Variants in KPNA4 observed in about 807,000 individuals in gnomAD.
KPNA4 encodes the protein karyopherin subunit alpha 4.
In KPNA4, 13 loss-of-function variants were observed where a neutral mutation model predicts 71.3. The ratio of observed to expected loss-of-function variants is 0.18; its 90% CI spans 0.12 to 0.29. KPNA4 has a LOEUF of 0.29. Ranked by LOEUF, KPNA4 falls within the 10% of genes least tolerant of loss-of-function variation. The pLI is 1.00. For missense variants in KPNA4, 334 were observed against 603.2 expected (o/e 0.55, Z 4.67); for synonymous variants, 189 against 195.2 (o/e 0.97, Z 0.26).
Position 160,498,886 on chromosome 3 carries a change from T to G in KPNA4, c.*3218A>C, listed in dbSNP as rs907800211. On this transcript the variant is annotated 3_prime_UTR_variant, in exon 17 of 17. Coordinates refer to ENST00000334256, the MANE Select transcript of KPNA4 (RefSeq NM_002268.5). ...AAATTTATGGTAATTATACCAAAAT[T>G]ACACAGCAGTTATTCTCTAAATTCA... is the stretch of plus-strand genomic sequence containing the variant. 6.6e-6 allele frequency: 1 copy of G among 152,198 alleles called. No individual in the cohort carries two copies. The highest frequency in any genetic ancestry group is 6.5e-5 in the Admixed American group (1 of 15,278). The allele number at this position is 152,198 out of a possible 1,614,324, so 9.4% of individuals were successfully genotyped here. A position where few individuals can be genotyped will look rare whatever the true frequency, so the allele number is the denominator to read the frequency against.
intron 1 of KPNA4, chr3:160,564,761 C>T (rs973133390): frequency 6.6e-6 from 1 of 151,996 alleles, no homozygotes; most frequent in South Asian, 2.1e-4. Context: ...CACTCGGTCG[C>T]CACACGCTCA....
chr3:160,514,247 A>C (rs1448837490), intron 12 of KPNA4, 66 bp from the exon 13 acceptor site: 1 of 1,127,424 alleles, frequency 8.9e-7, no homozygotes, highest in Non-Finnish European at 1.3e-6. Context: ...ACTAAGTAAA[A>C]AAGCATTCAC....
chr3:160,547,809 T>C (rs1015566084), intron 1 of KPNA4, among the ~76,000 whole-genome samples: 2 of 152,220 alleles, frequency 1.3e-5, no homozygotes, highest in African/African-American at 2.4e-5. Flanking sequence ...GTTGGAAGTA[T>C]AGAGTATACA....
intron 1 of KPNA4, among the ~76,000 whole-genome samples, chr3:160,560,551 C>T (rs1722223913): frequency 6.6e-6 from 1 of 151,386 alleles, no homozygotes; most frequent in Non-Finnish European, 1.5e-5. Flanking sequence ...GGACCCACAA[C>T]CACTATCAGG....
chr3:160,556,020 G>A (rs149813509), intron 1 of KPNA4, among the ~76,000 whole-genome samples: 11,891 of 152,030 alleles, frequency 0.078, 665 homozygotes, highest in Non-Finnish European at 0.13. Flanking sequence ...TAGTAGAGAC[G>A]GGGTTTCTCC....
chr3:160,501,292 A>C lies in KPNA4; in HGVS notation c.*812T>G, dbSNP rs1439704968. ...GTAAATAAAAACTAAAAAAAAAGAA[A>C]AGAAAAGCAAAAAAGAAAAAAAAAA... On this transcript the variant is annotated 3_prime_UTR_variant, in exon 17 of 17. Coordinates refer to ENST00000334256, the MANE Select transcript of KPNA4 (RefSeq NM_002268.5). 6.6e-6 allele frequency: 1 copy of C among 152,118 alleles called. No homozygotes were observed. The highest frequency in any genetic ancestry group is 1.5e-5 in the Non-Finnish European group (1 of 67,958). 9.4% of individuals were successfully genotyped at this position (152,118 alleles called of 1,614,324 possible). A position where few individuals can be genotyped will look rare whatever the true frequency, so the allele number is the denominator to read the frequency against.
intron 13 of KPNA4, among the ~76,000 whole-genome samples, chr3:160,510,886 C>G (rs2108544490): frequency 6.6e-6 from 1 of 151,522 alleles, no homozygotes; most frequent in East Asian, 1.9e-4. Context: ...CTCCTGGGTT[C>G]AAGTTATTCT....
chr3:160,555,912 A>G (rs1722126713), intron 1 of KPNA4, among the ~76,000 whole-genome samples: 1 of 152,016 alleles, frequency 6.6e-6, no homozygotes, highest in South Asian at 2.1e-4. Flanking sequence ...GCTCACTGCA[A>G]CCTCCACCTC....
intron 1 of KPNA4, among the ~76,000 whole-genome samples, chr3:160,564,800 G>A (rs1430190467): frequency 2.0e-5 from 3 of 151,752 alleles, no homozygotes; most frequent in African/African-American, 7.3e-5. Context: ...CCTCCTTCCC[G>A]CGGCGCCAGA....
At chr3:160,513,707 G>C (rs1721147501) in intron 13 of KPNA4, among the ~76,000 whole-genome samples, 1 of 152,192 alleles carries the variant, frequency 6.6e-6, no homozygotes, top group Admixed American at 6.5e-5. Context: ...TCTATCAAGT[G>C]GGAATAATCC....
At position 160,514,703 on chromosome 3, in the gene KPNA4, C is replaced by T. The variant is rs144245074; in HGVS notation, c.1033-522G>A. ...AGTATACTTATTTGTAATAGTCATT[C>T]ACTGCATAATTTCTCTCAAGGAAAA... On this transcript the variant is annotated intron_variant, in intron 12 of 16. Coordinates refer to ENST00000334256, the MANE Select transcript of KPNA4 (RefSeq NM_002268.5). Among the ~76,000 whole-genome samples the T allele has an allele frequency of 1.5e-3, 221 of 152,280 alleles. 1 individual carries two copies. Among genetic ancestry groups the T allele is most frequent in the Non-Finnish European group, 2.6e-3 (176 of 68,022 alleles).
At chr3:160,548,181 G>A (rs1577061288) in intron 1 of KPNA4, among the ~76,000 whole-genome samples, 1 of 151,990 alleles carries the variant, frequency 6.6e-6, no homozygotes, top group Non-Finnish European at 1.5e-5. Context: ...ATCCTCACCG[G>A]CATGTGGTGT....
At chr3:160,559,415 G>A (rs141440782) in intron 1 of KPNA4, among the ~76,000 whole-genome samples, 1 of 152,178 alleles carries the variant, frequency 6.6e-6, no homozygotes, top group African/African-American at 2.4e-5. Flanking sequence ...ATTTTTTATT[G>A]AATAAAATAT....
chr3:160,528,099 C>A, intron 7 of KPNA4, 60 bp from the exon 8 acceptor site: 1 of 1,333,874 alleles, frequency 7.5e-7, no homozygotes, highest in Non-Finnish European at 1.1e-6. Flanking sequence ...AAAAATCAAT[C>A]TTTATTTTTT....
At chr3:160,564,731 G>C (rs923131441) in intron 1 of KPNA4, 3 of 152,154 alleles carry the variant, frequency 2.0e-5, no homozygotes, top group Admixed American at 6.5e-5. Context: ...CTCGGGCCTC[G>C]CTGAGGAAGT....
chr3:160,527,852 C>G (rs1721488166), intron 8 of KPNA4, 101 bp downstream of exon 8: 1 of 785,096 alleles, frequency 1.3e-6, no homozygotes, highest in Admixed American at 2.2e-5. Flanking sequence ...AAAACTAGTA[C>G]TGAAGGCAAA....
intron 11 of KPNA4, among the ~76,000 whole-genome samples, chr3:160,518,835 T>C (rs1032534168): frequency 6.6e-6 from 1 of 152,104 alleles, no homozygotes; most frequent in African/African-American, 2.4e-5. Flanking sequence ...CACTCCAGCC[T>C]GGGCAACAGA....
chr3:160,526,455 C>T (rs768284767), intron 8 of KPNA4, among the ~76,000 whole-genome samples: 2 of 152,144 alleles, frequency 1.3e-5, no homozygotes, highest in South Asian at 2.1e-4. Flanking sequence ...CTTATGATCC[C>T]GTATCAGAGC....
At chr3:160,528,591 C>T (rs886424661) in intron 7 of KPNA4, among the ~76,000 whole-genome samples, 1 of 152,200 alleles carries the variant, frequency 6.6e-6, no homozygotes, top group South Asian at 2.1e-4. Context: ...GTCTCAAACT[C>T]ATGACCTCAA....
Sources: gnomAD v4.1 joint callset for allele counts (sites outside exome capture counted in the v4.1 genomes callset) on GRCh38, gnomAD v4.1.1 for gene constraint, MANE v1.5 for transcripts, NCBI Gene and HGNC (gene_info 2026-07-23, HGNC 2026-07-21) for gene names.